RTN1: variants seen among roughly 807,000 people sequenced by gnomAD.
RTN1 encodes the protein reticulon 1.
Under a neutral mutation model 65.5 loss-of-function variants are expected in RTN1, and 25 were observed. The ratio of observed to expected loss-of-function variants is 0.38; its 90% CI spans 0.28 to 0.53. The LOEUF (loss-of-function observed/expected upper bound fraction) is 0.53. Among genes scored for constraint, RTN1 ranks in the 20% least tolerant of loss-of-function variants. RTN1 has a pLI of 0.79. For missense variants in RTN1, 983 were observed against 1,025.4 expected, an observed-to-expected ratio of 0.96 and a Z score of 0.57; for synonymous variants, 471 against 447.6, an observed-to-expected ratio of 1.05 and a Z score of -0.66.
intron 1 of RTN1, among the ~76,000 whole-genome samples, chr14:59,818,270 T>C (rs1009262706): frequency 3.3e-5 from 5 of 152,204 alleles, no homozygotes; most frequent in Admixed American, 6.5e-5. Context: ...CAGTCCATCA[T>C]TGGTGGGCAC....
At chr14:59,610,145 A>G (rs1881901694) in intron 3 of RTN1, 1 of 775,482 alleles carries the variant, frequency 1.3e-6, no homozygotes, top group South Asian at 1.4e-5. Context: ...CATGCCCTCT[A>G]GGGAAGCCTC....
chr14:59,737,012 C>G (rs985178616), intron 2 of RTN1, among the ~76,000 whole-genome samples: 1 of 152,072 alleles, frequency 6.6e-6, no homozygotes, highest in Non-Finnish European at 1.5e-5. Flanking sequence ...AAGGAACATA[C>G]CTCAAAATAA....
chr14:59,601,054 C>T (rs1566656146), intron 8 of RTN1, among the ~76,000 whole-genome samples: 1 of 151,984 alleles, frequency 6.6e-6, no homozygotes, highest in East Asian at 1.9e-4. Context: ...TGCTTAAAAA[C>T]ATCAAGGGGT....
At position 59,870,101 on chromosome 14, in the gene RTN1, C is replaced by T. The variant is rs1178630346; in HGVS notation, c.241+289G>A. On this transcript the variant is annotated intron_variant, in intron 1 of 8. Transcript: ENST00000267484. This position sits in a 1 kb window ranked among gnomAD's most constrained non-coding sequence, Gnocchi z 5.1. ...ACTTGTACCCAGACTCGCCAGCAGC[C>T]AGAATGCTGCTGTTTGCCTATGAGA... is the stretch of plus-strand genomic sequence containing the variant. Among the ~76,000 whole-genome samples, 1 of 152,226 alleles carries T rather than the reference C, an allele frequency of 6.6e-6. No individual in the cohort carries two copies. The highest frequency in any genetic ancestry group is 1.5e-5 in the Non-Finnish European group (1 of 68,036).
chr14:59,655,918 A>C (rs1299337988), intron 3 of RTN1, among the ~76,000 whole-genome samples: 2 of 152,242 alleles, frequency 1.3e-5, no homozygotes, highest in African/African-American at 4.8e-5. Context: ...TTCAAGACCC[A>C]CACAAAAACT....
chr14:59,817,009 G>A (rs1185771540), intron 1 of RTN1, among the ~76,000 whole-genome samples: 1 of 151,994 alleles, frequency 6.6e-6, no homozygotes, highest in Non-Finnish European at 1.5e-5. Flanking sequence ...GCAAATCTAA[G>A]CATGACAAAT....
At chr14:59,856,630 T>C (rs541546178) in intron 1 of RTN1, among the ~76,000 whole-genome samples, 84 of 152,210 alleles carry the variant, frequency 5.5e-4, no homozygotes, top group African/African-American at 1.8e-3. Flanking sequence ...CAAAATGTCT[T>C]CCCATGTGGA....
intron 3 of RTN1, among the ~76,000 whole-genome samples, chr14:59,610,758 G>A (rs1222017688): frequency 2.0e-5 from 3 of 152,188 alleles, no homozygotes; most frequent in African/African-American, 7.2e-5. Flanking sequence ...CACAAGATAA[G>A]AAATTATGGT....
At chr14:59,672,093 C>A (rs1312881224) in intron 3 of RTN1, among the ~76,000 whole-genome samples, 1 of 152,148 alleles carries the variant, frequency 6.6e-6, no homozygotes, top group Admixed American at 6.5e-5. Context: ...TGAATCTAGT[C>A]TGGTTAAGCT....
rs1886012561 is a variant in RTN1 at position 59,774,349 on chromosome 14, TACA to T, written c.242-27871_242-27869del. Among the ~76,000 whole-genome samples, 1 of 152,224 alleles carries T rather than the reference TACA, an allele frequency of 6.6e-6. No homozygotes were observed. The highest frequency in any genetic ancestry group is 2.1e-4 in the South Asian group (1 of 4,834). On this transcript the variant is annotated intron_variant, in intron 1 of 8. Coordinates refer to ENST00000267484, the MANE Select transcript of RTN1 (RefSeq NM_021136.3). The surrounding 1 kb of genome is among the most constrained non-coding windows in gnomAD (Gnocchi z 5.1). ...AAGTGTAAAAATGATTTATAATCTATACAACACTATAGATTATTATAATTTGGC... is the reference window on the plus strand; with the variant it reads ...AAGTGTAAAAATGATTTATAATCTATACACTATAGATTATTATAATTTGGC...
At chr14:59,865,012 C>T (rs987246802) in intron 1 of RTN1, among the ~76,000 whole-genome samples, 1 of 151,946 alleles carries the variant, frequency 6.6e-6, no homozygotes, top group Non-Finnish European at 1.5e-5. Context: ...GTCAGTTGAG[C>T]GTTTTGCAGA....
intron 1 of RTN1, among the ~76,000 whole-genome samples, chr14:59,746,885 A>G (rs1261886690): frequency 6.6e-6 from 1 of 152,186 alleles, no homozygotes; most frequent in East Asian, 1.9e-4. Context: ...CTACCTCAGG[A>G]TTGTAACTGC....
chr14:59,614,506 C>G (rs1310578558), intron 3 of RTN1, among the ~76,000 whole-genome samples: 1 of 152,088 alleles, frequency 6.6e-6, no homozygotes, highest in Non-Finnish European at 1.5e-5. Context: ...AACTTTAATG[C>G]CGTTTTGTTC....
chr14:59,649,718 G>A (rs1174992779), intron 3 of RTN1, among the ~76,000 whole-genome samples: 1 of 152,148 alleles, frequency 6.6e-6, no homozygotes, highest in Non-Finnish European at 1.5e-5. Flanking sequence ...TCATGCCAGT[G>A]AGAATGGTGA....
chr14:59,684,700 A>T (rs926659707), intron 3 of RTN1, among the ~76,000 whole-genome samples: 1 of 152,032 alleles, frequency 6.6e-6, no homozygotes. Flanking sequence ...TACCTCCTTG[A>T]GATTTTTTTT....
At chr14:59,749,119 T>TAG (rs1458342123) in intron 1 of RTN1, among the ~76,000 whole-genome samples, 1 of 49,310 alleles carries the variant, frequency 2.0e-5, no homozygotes, top group African/African-American at 1.3e-4. Context: ...TATATATATA[T>TAG]ATATAGATAT....
chr14:59,779,132 G>A (rs1325880690), intron 1 of RTN1, among the ~76,000 whole-genome samples: 1 of 152,080 alleles, frequency 6.6e-6, no homozygotes, highest in Non-Finnish European at 1.5e-5. Context: ...GGCCCTTGCA[G>A]TGGGGATGGA....
intron 3 of RTN1, chr14:59,630,504 CA>C: frequency 6.2e-7 from 1 of 1,613,770 alleles, no homozygotes; most frequent in East Asian, 2.2e-5. Context: ...CAGTGGCCTG[CA>C]TCGTGCGGGC....
intron 2 of RTN1, among the ~76,000 whole-genome samples, chr14:59,735,565 A>G (rs1884985874): frequency 6.6e-6 from 1 of 152,246 alleles, no homozygotes; most frequent in African/African-American, 2.4e-5. Flanking sequence ...AATGGAAAAC[A>G]GAATAAAGCA....
Sources: gnomAD v4.1 joint callset for allele counts (sites outside exome capture counted in the v4.1 genomes callset) on GRCh38, gnomAD v4.1.1 for gene constraint, Gnocchi (gnomAD v3.1) non-coding constraint, MANE v1.5 for transcripts, NCBI Gene and HGNC (gene_info 2026-07-23, HGNC 2026-07-21) for gene names.